OR2L2: variants seen among roughly 807,000 people sequenced by gnomAD.
The protein encoded by OR2L2 is olfactory receptor family 2 subfamily L member 2, also known as olfactory receptor 2L2.
For missense variants in OR2L2, 378 were observed against 375.2 expected (o/e 1.01, Z -0.06); for synonymous variants, 156 against 135.4 (o/e 1.15, Z -1.06).
rs1291819364 is a variant in OR2L2 at position 248,038,915 on chromosome 1, C to T, written c.648C>T (p.Ser216=). Residue 216 remains serine, a synonymous_variant, in exon 3 of 3, where the codon TCC becomes TCT. Transcript: ENST00000641771. ...LVLPFTGIAC[S]YGRVLLAVYR... Reference sequence around the variant, plus strand: ...TTCCTTTCACTGGTATTGCATGTTCCTATGGCCGGGTTCTCCTTGCTGTCT... The same window carrying T: ...TTCCTTTCACTGGTATTGCATGTTCTTATGGCCGGGTTCTCCTTGCTGTCT... The T allele has an allele frequency of 6.2e-7, 1 of 1,614,016 alleles. No individual in the cohort carries two copies. The highest frequency in any genetic ancestry group is 1.3e-5 in the African/African-American group (1 of 74,906).
chr1:248,039,091 T>C lies in OR2L2; in HGVS notation c.824T>C (p.Val275Ala), dbSNP rs1662866519. 4 of 1,614,034 alleles carry C rather than the reference T, an allele frequency of 2.5e-6. No homozygotes were observed. The highest frequency in any genetic ancestry group is 2.5e-6 in the Non-Finnish European group (3 of 1,179,988). ...RSPTEDKILAVFYTILTPMLN... is the reference protein window; with the variant it reads ...RSPTEDKILAAFYTILTPMLN... ...CCAACAGAGGACAAGATTCTGGCTG[T>C]TTTCTACACCATCCTCACCCCAATG... Residue 275 changes from valine (V) to alanine (A), a missense_variant, in exon 3 of 3, where the codon GTT becomes GCT. Coordinates refer to ENST00000641771, the MANE Select transcript of OR2L2 (RefSeq NM_001385855.1).
chr1:248,031,621 G>A (rs1312183251), intron 1 of OR2L2, among the ~76,000 whole-genome samples: 1 of 152,182 alleles, frequency 6.6e-6, no homozygotes, highest in Non-Finnish European at 1.5e-5. Context: ...GAGCTGGGCT[G>A]TAAATTGAGG....
intron 2 of OR2L2, among the ~76,000 whole-genome samples, chr1:248,036,533 T>C (rs1373192419): frequency 2.0e-5 from 3 of 151,860 alleles, no homozygotes; most frequent in Non-Finnish European, 1.5e-5. Flanking sequence ...TGTTCATCTT[T>C]GTGTGTGTGT....
At chr1:248,034,301 C>T (rs963718589) in intron 1 of OR2L2, among the ~76,000 whole-genome samples, 1 of 152,038 alleles carries the variant, frequency 6.6e-6, no homozygotes, top group Non-Finnish European at 1.5e-5. Flanking sequence ...AGACAATTCT[C>T]AAATTCATAT....
At position 248,039,007 on chromosome 1, in the gene OR2L2, T is replaced by A. The variant is rs143479944; in HGVS notation, c.740T>A (p.Val247Glu). The change falls in exon 3 of 3, where the codon GTG (valine) becomes GAG (glutamate). Residue 247 changes from valine (V) to glutamate (E), a missense_variant. Transcript: ENST00000641771. ...YSTCSTHLTV[V>E]SFYYAPFAYT... ...ACCTGTAGCACCCACCTCACTGTAG[T>A]GTCCTTCTACTATGCACCCTTTGCT... The A allele has an allele frequency of 1.2e-6, 2 of 1,613,990 alleles. No individual in the cohort carries two copies. The highest frequency in any genetic ancestry group is 1.7e-6 in the Non-Finnish European group (2 of 1,180,014).
rs1662937646 is a variant in OR2L2, at chr1:248,041,096, G to A, written c.*1890G>A. 6.6e-6 allele frequency: 1 copy of A among 152,142 alleles called. No homozygotes were observed. The highest frequency in any genetic ancestry group is 1.5e-5 in the Non-Finnish European group (1 of 68,026). The allele number at this position is 152,142 out of a possible 1,614,324, so 9.4% of individuals were successfully genotyped here. A position where few individuals can be genotyped will look rare whatever the true frequency, so the allele number is the denominator to read the frequency against. On this transcript the variant is annotated 3_prime_UTR_variant, in exon 3 of 3. Transcript: ENST00000641771. ...TGAGAAAAGGTAGTAGTTGCCTGATGTTGAAAGATTTACCTAATCTCACAT... is the reference window on the plus strand; with the variant it reads ...TGAGAAAAGGTAGTAGTTGCCTGATATTGAAAGATTTACCTAATCTCACAT...
Position 248,030,239 on chromosome 1 carries a change from C to G in OR2L2, c.-97+4C>G, listed in dbSNP as rs1357805993. 1.3e-5 allele frequency: 2 copies of G among 152,120 alleles called. No individual in the cohort carries two copies. The highest frequency in any genetic ancestry group is 4.8e-5 in the African/African-American group (2 of 41,436). 9.4% of individuals were successfully genotyped at this position (152,120 alleles called of 1,614,324 possible). The stretch of plus-strand genomic sequence containing the variant: ...TGGAAATGAGGAAATAATAAAGGTA[C>G]TAATTATAATTGTATTTTTAAATTT... On this transcript the variant is annotated splice_donor_region_variant and intron_variant, in intron 1 of 2. Transcript: ENST00000641771.
chr1:248,039,291 C>A lies in OR2L2; in HGVS notation c.*85C>A. ...AGTGAAGAAAAACATTATTACATGC[C>A]CAGTGTGTCAAACAGAAGTTAATCT... On this transcript the variant is annotated 3_prime_UTR_variant, in exon 3 of 3. Transcript: ENST00000641771. 7.9e-7 allele frequency: 1 copy of A among 1,269,758 alleles called. No homozygotes were observed. 78.7% of individuals were successfully genotyped at this position (1,269,758 alleles called of 1,614,324 possible).
At position 248,040,264 on chromosome 1, in the gene OR2L2, G is replaced by A. The variant is rs1227339018; in HGVS notation, c.*1058G>A. 3 of 152,196 alleles carry A rather than the reference G, an allele frequency of 2.0e-5. No individual in the cohort carries two copies. The highest frequency in any genetic ancestry group is 7.2e-5 in the African/African-American group (3 of 41,444). 9.4% of individuals were successfully genotyped at this position (152,196 alleles called of 1,614,324 possible). A position where few individuals can be genotyped will look rare whatever the true frequency, so the allele number is the denominator to read the frequency against. ...GGTTATCTGCTTAGGTCCATTCTCT[G>A]AGTGAAAGGCCATTGCTCTCCAGAA... On this transcript the variant is annotated 3_prime_UTR_variant, in exon 3 of 3. Coordinates refer to ENST00000641771, the MANE Select transcript of OR2L2 (RefSeq NM_001385855.1).
intron 1 of OR2L2, among the ~76,000 whole-genome samples, chr1:248,034,489 G>A (rs1662702440): frequency 1.3e-5 from 2 of 152,026 alleles, no homozygotes; most frequent in Non-Finnish European, 2.9e-5. Context: ...ATTTTAGCAT[G>A]GTTTTTCTAT....
chr1:248,036,125 A>T (rs1447643932), intron 2 of OR2L2, among the ~76,000 whole-genome samples: 3 of 152,090 alleles, frequency 2.0e-5, no homozygotes, highest in Non-Finnish European at 4.4e-5. Flanking sequence ...AGTTCTGAGA[A>T]TTTTTGTATG....
At chr1:248,032,456 A>G (rs1196365746) in intron 1 of OR2L2, among the ~76,000 whole-genome samples, 1 of 152,146 alleles carries the variant, frequency 6.6e-6, no homozygotes, top group Non-Finnish European at 1.5e-5. Flanking sequence ...AGTCATCTCC[A>G]GAATAGTTTC....
intron 1 of OR2L2, among the ~76,000 whole-genome samples, chr1:248,035,267 G>A (rs1572687432): frequency 1.3e-5 from 2 of 151,980 alleles, no homozygotes; most frequent in South Asian, 4.2e-4. Flanking sequence ...TGGCTAACAC[G>A]GTGAAACCCC....
At chr1:248,032,329 A>ATC (rs1227285472) in intron 1 of OR2L2, among the ~76,000 whole-genome samples, 1 of 152,130 alleles carries the variant, frequency 6.6e-6, no homozygotes, top group Admixed American at 6.6e-5. Context: ...ACATGAGATA[A>ATC]TACATATTAT....
rs1343660623 is a variant in OR2L2, at chr1:248,038,435, A to C, written c.168A>C (p.Thr56=). ...LLIFLDIHLH[T]PMYFLLSQLS... The stretch of plus-strand genomic sequence containing the variant: ...TCTTTTTGGACATCCATCTCCACAC[A>C]CCTATGTATTTCCTACTTAGTCAGC... The change falls in exon 3 of 3, where the codon ACA becomes ACC. Residue 56 remains threonine (T), a synonymous_variant. Transcript: ENST00000641771. The C allele has an allele frequency of 6.2e-7, 1 of 1,613,678 alleles. No individual in the cohort carries two copies. Among genetic ancestry groups the C allele is most frequent in the Non-Finnish European group, 8.5e-7 (1 of 1,179,752 alleles).
chr1:248,038,735 T>G lies in OR2L2; in HGVS notation c.468T>G (p.Cys156Trp), dbSNP rs1423620532. 2 of 1,614,194 alleles carry G rather than the reference T, an allele frequency of 1.2e-6. No individual in the cohort carries two copies. Among genetic ancestry groups the G allele is most frequent in the South Asian group, 1.1e-5 (1 of 91,086 alleles). The change falls in exon 3 of 3, where the codon TGT (cysteine) becomes TGG (tryptophan). Residue 156 changes from cysteine (C) to tryptophan (W), a missense_variant. Coordinates refer to ENST00000641771, the MANE Select transcript of OR2L2 (RefSeq NM_001385855.1). ...GGATGATAAGCTCTATCAACTCTTG[T>G]GCTCACACAGTATATGCACTCTGTA... ...GSWMISSINSCAHTVYALCIP... is the reference protein window; with the variant it reads ...GSWMISSINSWAHTVYALCIP...
Position 248,039,489 on chromosome 1 carries a change from C to T in OR2L2, c.*283C>T, listed in dbSNP as rs1290722131. 4.3e-6 allele frequency: 1 copy of T among 231,546 alleles called. No homozygotes were observed. Among genetic ancestry groups the T allele is most frequent in the Non-Finnish European group, 8.6e-6 (1 of 116,556 alleles). The allele number at this position is 231,546 out of a possible 1,614,324, so 14.3% of individuals were successfully genotyped here. ...AGGCTCTAATGCAATGGCGCAATCTCAGCTCCCCATAACCTCTGCCTCCTG... is the reference window on the plus strand; with the variant it reads ...AGGCTCTAATGCAATGGCGCAATCTTAGCTCCCCATAACCTCTGCCTCCTG... On this transcript the variant is annotated 3_prime_UTR_variant, in exon 3 of 3. Transcript: ENST00000641771.
At chr1:248,034,580 C>A (rs1194611411) in intron 1 of OR2L2, among the ~76,000 whole-genome samples, 1 of 152,174 alleles carries the variant, frequency 6.6e-6, no homozygotes, top group Non-Finnish European at 1.5e-5. Context: ...GACATCTTAA[C>A]AGTGTTAAGC....
rs548106898 is a variant in OR2L2, at chr1:248,042,249, A to G, written c.*3043A>G. 1.3e-5 allele frequency: 2 copies of G among 151,648 alleles called. No homozygotes were observed. The highest frequency in any genetic ancestry group is 3.9e-4 in the East Asian group (2 of 5,118). The allele number at this position is 151,648 out of a possible 1,614,324, so 9.4% of individuals were successfully genotyped here. On this transcript the variant is annotated 3_prime_UTR_variant, in exon 3 of 3. Transcript: ENST00000641771. ...AAATCATCATTCTCACTAAACTATC[A>G]CAAGAACAAAAAACCAAACACCGCA... is the stretch of plus-strand genomic sequence containing the variant.
Sources: gnomAD v4.1 joint callset for allele counts (sites outside exome capture counted in the v4.1 genomes callset) on GRCh38, gnomAD v4.1.1 for gene constraint, MANE v1.5 for transcripts, NCBI Gene and HGNC (gene_info 2026-07-23, HGNC 2026-07-21) for gene names.